The following RND1 variants were observed in gnomAD, a reference collection of about 807,000 sequenced individuals.
The protein encoded by RND1 is Rho family GTPase 1, also known as rho-related GTP-binding protein Rho6.
A neutral mutation model predicts 27.1 loss-of-function variants in RND1; 9 were observed. The observed-to-expected ratio is 0.33, with a 90% CI of 0.20 to 0.58. The LOEUF (loss-of-function observed/expected upper bound fraction) is 0.58, where lower values mean the gene tolerates loss of function less well. Among genes scored for constraint, RND1 ranks in the 20% least tolerant of loss-of-function variants. The pLI is 0.86. For missense variants in RND1, 253 were observed against 292.2 expected (o/e 0.87, Z 0.98); for synonymous variants, 108 against 115.7 (o/e 0.93, Z 0.43).
intron 2 of RND1, 149 bp from the exon 3 acceptor site, chr12:48,862,267 CCTGA>C: frequency 5.2e-6 from 3 of 577,306 alleles, no homozygotes; most frequent in Middle Eastern, 4.6e-4. Flanking sequence ...AAGCTTGGGA[CCTGA>C]CTGTCTGCCA....
intron 4 of RND1, 64 bp from the exon 5 acceptor site, chr12:48,858,305 G>A: frequency 6.4e-7 from 1 of 1,572,546 alleles, no homozygotes; most frequent in African/African-American, 1.3e-5. Context: ...CTGCCTCTGT[G>A]CGTCACTCCC....
At chr12:48,859,649 G>A (rs982332048) in intron 4 of RND1, among the ~76,000 whole-genome samples, 1 of 152,130 alleles carries the variant, frequency 6.6e-6, no homozygotes, top group Non-Finnish European at 1.5e-5. Flanking sequence ...CACTTTGGGA[G>A]GCCAAGGTAG....
chr12:48,864,419 G>GCGCA (rs994899805), intron 2 of RND1, among the ~76,000 whole-genome samples: 2 of 144,400 alleles, frequency 1.4e-5, no homozygotes, highest in African/African-American at 2.5e-5. Flanking sequence ...GTGTGTGTGC[G>GCGCA]CGCGCGCGCG....
At position 48,861,042 on chromosome 12, in the gene RND1, C is replaced by T. The variant is rs1290855207; in HGVS notation, c.408G>A (p.Leu136=). ...KTDLRTDLST[L]MELSHQKQAP... is the part of the protein sequence containing the mutation. ...CCTGCTTCTGGTGGGACAGCTCCATCAGAGTACTCAGGTCTGTTCGCAGGT... is the reference window on the plus strand; with the variant it reads ...CCTGCTTCTGGTGGGACAGCTCCATTAGAGTACTCAGGTCTGTTCGCAGGT... Residue 136 remains leucine (L), a synonymous_variant, in exon 4 of 5, where the codon CTG becomes CTA. Transcript: ENST00000309739. 6.2e-7 allele frequency: 1 copy of T among 1,614,088 alleles called. No homozygotes were observed. The highest frequency in any genetic ancestry group is 1.7e-5 in the Admixed American group (1 of 60,030).
In RND1 at chr12:48,862,087, G is replaced by T; in HGVS notation, c.240C>A (p.Leu80=). 1 of 1,613,034 alleles carries T rather than the reference G, an allele frequency of 6.2e-7. No homozygotes were observed. Among genetic ancestry groups the T allele is most frequent in the Non-Finnish European group, 8.5e-7 (1 of 1,179,014 alleles). Residue 80 remains leucine (L), a synonymous_variant, in exon 3 of 5, where the codon CTC becomes CTA. Transcript: ENST00000309739. The part of the protein sequence containing the change: ...GSPYYDNVRP[L]CYSDSDAVLL... ...ATACTGCATCCGAGTCGCTGTAGCA[G>T]AGTGGACGGACATTATCGTAGTAGG...
chr12:48,858,957 CTTTT>C (rs1380928052), intron 4 of RND1: 1 of 133,610 alleles, frequency 7.5e-6, no homozygotes, highest in African/African-American at 2.6e-5. Context: ...CTTTTTCTTT[CTTTT>C]CTTTTTTTTT....
chr12:48,858,186 A>T lies in RND1; in HGVS notation c.509T>A (p.Phe170Tyr). The change falls in exon 5 of 5, where the codon TTC (phenylalanine) becomes TAC (tyrosine). Residue 170 changes from phenylalanine to tyrosine, a missense_variant. Physicochemically the swap from Phe to Tyr is conservative, Grantham distance 22. Coordinates refer to ENST00000309739, the MANE Select transcript of RND1 (RefSeq NM_014470.4). ...GCTGTGGATGCTCTTTTCTGAGGTG[A>T]AAGCTGAGCCTTCCAGGTAGATTTC... ...GAEIYLEGSA[F>Y]TSEKSIHSIF... 3 of 1,614,058 alleles carry T rather than the reference A, an allele frequency of 1.9e-6. No homozygotes were observed. The highest frequency in any genetic ancestry group is 2.5e-6 in the Non-Finnish European group (3 of 1,180,002).
intron 1 of RND1, chr12:48,865,241 G>T: frequency 2.6e-6 from 1 of 377,546 alleles, no homozygotes; most frequent in Non-Finnish European, 5.0e-6. Context: ...CAGGTGAACA[G>T]AGGGGCTGCA....
At chr12:48,862,218 G>A (rs528899505) in intron 2 of RND1, 100 bp from the exon 3 acceptor site, 71 of 674,130 alleles carry the variant, frequency 1.1e-4, no homozygotes, top group Middle Eastern at 8.0e-4. Context: ...CAATCCCTGA[G>A]GATCCACCCA....
Position 48,865,747 on chromosome 12 carries a change from G to C in RND1, c.21C>G (p.Pro7=). The C allele has an allele frequency of 6.2e-7, 1 of 1,606,136 alleles. No homozygotes were observed. Among genetic ancestry groups the C allele is most frequent in the Non-Finnish European group, 8.5e-7 (1 of 1,174,076 alleles). ...GCTTACATCTGGCCACGACTGGCTGGGGGGCCCGTCTCTCCTTCATGGTTG... is the reference window on the plus strand; with the variant it reads ...GCTTACATCTGGCCACGACTGGCTGCGGGGCCCGTCTCTCCTTCATGGTTG... MKERRA[P]QPVVARCKLV... The change falls in exon 1 of 5, where the codon CCC becomes CCG. Residue 7 remains proline, a synonymous_variant. Transcript: ENST00000309739.
intron 2 of RND1, 63 bp from the exon 3 acceptor site, chr12:48,862,181 G>A (rs17123362): frequency 0.047 from 44,097 of 929,490 alleles, 1,248 homozygotes; most frequent in Non-Finnish European, 0.061. Context: ...ATAGGCCTAA[G>A]CCCTAAAGCC....
Position 48,858,248 on chromosome 12 carries a change from G to A in RND1, c.454-7C>T. 1 of 1,613,212 alleles carries A rather than the reference G, an allele frequency of 6.2e-7. No homozygotes were observed. On this transcript the variant is annotated splice_polypyrimidine_tract_variant and splice_region_variant and intron_variant, in intron 4 of 4. Coordinates refer to ENST00000309739, the MANE Select transcript of RND1 (RefSeq NM_014470.4). ...GCTTTGCTATTGCACAACCCTGCAG[G>A]AGGGGGTGAGGGCATTAATGCAGTG...
In RND1 at chr12:48,865,630, G is replaced by A. The variant is rs1182077092; in HGVS notation, c.120+18C>T. 1 of 1,605,076 alleles carries A rather than the reference G, an allele frequency of 6.2e-7. No individual in the cohort carries two copies. The highest frequency in any genetic ancestry group is 1.1e-5 in the South Asian group (1 of 89,896). On this transcript the variant is annotated intron_variant, in intron 1 of 4. Coordinates refer to ENST00000309739, the MANE Select transcript of RND1 (RefSeq NM_014470.4). Reference sequence around the variant, plus strand: ...AGGCAGGGAGAAAAGCCGGCCAGCGGGCGGGCGGGCAGCTCACCTCTGGAT... The same window carrying A: ...AGGCAGGGAGAAAAGCCGGCCAGCGAGCGGGCGGGCAGCTCACCTCTGGAT...
At chr12:48,860,956 C>T in intron 4 of RND1, 41 bp downstream of exon 4, 1 of 1,611,782 alleles carries the variant, frequency 6.2e-7, no homozygotes. Context: ...CTCTAGCCTT[C>T]CTCACTCCAC....
intron 4 of RND1, chr12:48,858,949 T>TTTTC (rs939091303): frequency 3.4e-5 from 5 of 147,502 alleles, no homozygotes; most frequent in Non-Finnish European, 6.0e-5. Context: ...GTATTCTTCT[T>TTTTC]TTTCTTTCTT....
chr12:48,861,933 G>C lies in RND1; in HGVS notation c.318+76C>G, dbSNP rs183224753. 9 of 835,114 alleles carry C rather than the reference G, an allele frequency of 1.1e-5. No homozygotes were observed. In the East Asian group the frequency reaches 2.0e-4, roughly 18 times the overall value. The allele number at this position is 835,114 out of a possible 1,614,324, so 51.7% of individuals were successfully genotyped here. On this transcript the variant is annotated intron_variant, in intron 3 of 4. Coordinates refer to ENST00000309739, the MANE Select transcript of RND1 (RefSeq NM_014470.4). The stretch of plus-strand genomic sequence containing the variant: ...TCCATTTCTTGATGTTATACAAGAG[G>C]GCATTCATGACAAGGTCCCGATTCC...
In RND1 at chr12:48,858,039, G is replaced by C; in HGVS notation, c.656C>G (p.Ser219Cys). The C allele has an allele frequency of 6.2e-7, 1 of 1,613,180 alleles. No individual in the cohort carries two copies. The highest frequency in any genetic ancestry group is 8.5e-7 in the Non-Finnish European group (1 of 1,179,596). Residue 219 changes from serine (S) to cysteine (C), a missense_variant, in exon 5 of 5, where the codon TCT becomes TGT. Coordinates refer to ENST00000309739, the MANE Select transcript of RND1 (RefSeq NM_014470.4). The stretch of plus-strand genomic sequence containing the variant: ...TTTGGCCTTTTCCTTCTTGAAGGTA[G>C]AAGAGATGAGTTCAGAGCGACTGGG... ...HLPSRSELIS[S>C]TFKKEKAKSC...
At chr12:48,862,536 G>GA (rs1283255902) in intron 2 of RND1, among the ~76,000 whole-genome samples, 2 of 152,066 alleles carry the variant, frequency 1.3e-5, no homozygotes, top group African/African-American at 4.8e-5. Context: ...CCAGTGAAGA[G>GA]AAAAACCTCC....
intron 2 of RND1, among the ~76,000 whole-genome samples, chr12:48,862,912 G>T (rs1330769502): frequency 1.3e-5 from 2 of 152,104 alleles, no homozygotes; most frequent in Non-Finnish European, 2.9e-5. Context: ...GCTCAGAATA[G>T]CAAGCAGCCC....
Sources: gnomAD v4.1 joint callset for allele counts (sites outside exome capture counted in the v4.1 genomes callset) on GRCh38, gnomAD v4.1.1 for gene constraint, MANE v1.5 for transcripts, NCBI Gene and HGNC (gene_info 2026-07-23, HGNC 2026-07-21) for gene names.